Variants in MYH16 observed in about 807,000 individuals in gnomAD.
MYH16 encodes putative uncharacterized protein MYH16.
At position 99,257,074 on chromosome 7, in the gene MYH16, C is replaced by T. The variant is rs573929532; in HGVS notation, n.997-228C>T. 2.9e-4 allele frequency among the ~76,000 whole-genome samples: 44 copies of T among 152,324 alleles called. No homozygotes were observed. The South Asian group carries it at 5.4e-3, about 19-fold the overall frequency. On this transcript the variant is annotated intron_variant and non_coding_transcript_variant, in intron 9 of 41. Transcript: ENST00000439784. ...CTTATCATCATCATTTTGCAGATGA[C>T]GAAACAGAAGCCAGAGAGGTTACTG...
intron 6 of MYH16, among the ~76,000 whole-genome samples, chr7:99,251,694 G>A (rs1443934446): frequency 6.6e-6 from 1 of 152,166 alleles, no homozygotes; most frequent in Non-Finnish European, 1.5e-5. Flanking sequence ...AGGAGGCTGG[G>A]CACAGTGGCA....
exon 37 of MYH16, chr7:99,299,624 TAA>T (rs1446472742): frequency 6.5e-6 from 1 of 153,422 alleles, no homozygotes; most frequent in Non-Finnish European, 1.5e-5. Context: ...AGCGAACTTG[TAA>T]AGACATTGAA....
chr7:99,276,838 A>G (rs182860816), intron 20 of MYH16, among the ~76,000 whole-genome samples: 1 of 152,244 alleles, frequency 6.6e-6, no homozygotes, highest in East Asian at 1.9e-4. Flanking sequence ...AAAAACAAAG[A>G]GAAAGACACA....
chr7:99,260,497 T>A (rs1457936400), intron 12 of MYH16: 1 of 377,972 alleles, frequency 2.6e-6, no homozygotes, highest in East Asian at 5.5e-5. Context: ...GGTACTGAAG[T>A]GACTGCAATG....
intron 16 of MYH16, among the ~76,000 whole-genome samples, chr7:99,265,396 TG>T (rs1791976587): frequency 6.6e-6 from 1 of 152,072 alleles, no homozygotes; most frequent in African/African-American, 2.4e-5. Context: ...AAATCAAACT[TG>T]GGAGCTTTTG....
chr7:99,251,915 A>G (rs1413232713), intron 6 of MYH16, among the ~76,000 whole-genome samples: 1 of 152,172 alleles, frequency 6.6e-6, no homozygotes, highest in Non-Finnish European at 1.5e-5. Flanking sequence ...CAAGGTTGCA[A>G]TGAGCTGAGA....
chr7:99,276,372 A>G (rs567315445), intron 20 of MYH16, among the ~76,000 whole-genome samples: 1 of 152,346 alleles, frequency 6.6e-6, no homozygotes, highest in South Asian at 2.1e-4. Flanking sequence ...TATCTATTGT[A>G]TCTATGGTAT....
chr7:99,279,636 C>A (rs1440793586), exon 22 of MYH16: 2 of 456,594 alleles, frequency 4.4e-6, no homozygotes, highest in South Asian at 1.5e-5. Flanking sequence ...GGCGGCCTCA[C>A]TGAGTGCCGC....
In MYH16 at chr7:99,276,854, TGA is replaced by T. The variant is rs897547281; in HGVS notation, n.2486-672_2486-671del. On this transcript the variant is annotated intron_variant and non_coding_transcript_variant, in intron 20 of 41. Coordinates refer to ENST00000439784, the Ensembl canonical transcript of MYH16. The stretch of plus-strand genomic sequence containing the variant: ...AAAACAAAGAGAAAGACACAGAAAA[TGA>T]GAGAGAGAGAGACAGCACAACAGAG... Among the ~76,000 whole-genome samples the T allele has an allele frequency of 1.1e-4, 15 of 136,056 alleles. No homozygotes were observed. The East Asian group carries it at 2.4e-3, about 22-fold the overall frequency. 89.3% of individuals were successfully genotyped at this position (136,056 alleles called of 152,430 possible). A position where few individuals can be genotyped will look rare whatever the true frequency, so the allele number is the denominator to read the frequency against.
At chr7:99,290,138 C>T (rs1792346799) in intron 30 of MYH16, among the ~76,000 whole-genome samples, 1 of 152,178 alleles carries the variant, frequency 6.6e-6, no homozygotes, top group African/African-American at 2.4e-5. Context: ...GGTGTGACAT[C>T]AAGAGAACTT....
At chr7:99,302,499 C>T (rs933326930) in intron 38 of MYH16, among the ~76,000 whole-genome samples, 5 of 149,000 alleles carry the variant, frequency 3.4e-5, no homozygotes, top group South Asian at 2.1e-4. Context: ...CCCCAGAGGT[C>T]GAGGATGCAG....
downstream of MYH16, among the ~76,000 whole-genome samples, chr7:99,308,984 ACT>A (rs1792720455): frequency 6.6e-6 from 1 of 151,978 alleles, no homozygotes; most frequent in Admixed American, 6.6e-5. Context: ...AATGCTTTTC[ACT>A]CTCTTTTCTA....
chr7:99,301,861 G>A (rs1212435180), intron 38 of MYH16, 57 bp downstream of exon 19: 1 of 152,812 alleles, frequency 6.5e-6, no homozygotes, highest in East Asian at 1.9e-4. Flanking sequence ...GGGTTAGGGG[G>A]TGCTGGGGTG....
chr7:99,296,672 C>T (rs906500093), intron 33 of MYH16, 29 bp from the exon 15 acceptor site: 1 of 454,278 alleles, frequency 2.2e-6, no homozygotes, highest in African/African-American at 2.0e-5. Context: ...GAGGTTGGAC[C>T]CCTAGAGGCC....
chr7:99,310,496 C>T (rs1792745272), downstream of MYH16, among the ~76,000 whole-genome samples: 1 of 152,184 alleles, frequency 6.6e-6, no homozygotes, highest in African/African-American at 2.4e-5. Context: ...TGAGCCCACT[C>T]AATGACTTGT....
intron 13 of MYH16, among the ~76,000 whole-genome samples, chr7:99,262,106 A>G (rs1018414433): frequency 8.5e-5 from 13 of 152,216 alleles, no homozygotes; most frequent in African/African-American, 2.2e-4. Flanking sequence ...GTCCTTGGGA[A>G]GTGGGGAAAT....
chr7:99,270,063 C>T (rs1013514720), intron 18 of MYH16, among the ~76,000 whole-genome samples: 4 of 140,080 alleles, frequency 2.9e-5, no homozygotes, highest in South Asian at 2.4e-4. Flanking sequence ...TTAATAAAGA[C>T]GGGGTTTCAC....
exon 29 of MYH16, chr7:99,288,134 C>T (rs1375965202): frequency 4.4e-6 from 2 of 456,524 alleles, no homozygotes; most frequent in African/African-American, 2.0e-5. Flanking sequence ...TACAGAAGTC[C>T]AAGGTGAATA....
chr7:99,250,918 G>A lies in MYH16; in HGVS notation n.637-176G>A, dbSNP rs547501144. ...GACAGACACTCAGGCAGTGGCCCTC[G>A]TCCCAGGTTACTACATGTAGCCCCT... is the stretch of plus-strand genomic sequence containing the variant. On this transcript the variant is annotated intron_variant and non_coding_transcript_variant, in intron 5 of 41. Coordinates refer to ENST00000439784, the Ensembl canonical transcript of MYH16. 5.3e-5 allele frequency among the ~76,000 whole-genome samples: 8 copies of A among 152,232 alleles called. 1 individual carries two copies. The highest frequency in any genetic ancestry group is 6.8e-3 in the Middle Eastern group (2 of 294).
Sources: gnomAD v4.1 joint callset for allele counts (sites outside exome capture counted in the v4.1 genomes callset) on GRCh38, gnomAD v4.1.1 for gene constraint, MANE v1.5 for transcripts, NCBI Gene and HGNC (gene_info 2026-07-23, HGNC 2026-07-21) for gene names.